Variants in PNPLA7 observed in about 807,000 individuals in gnomAD.
PNPLA7 encodes patatin like domain 7, lysophospholipase, also known as patatin-like phospholipase domain-containing protein 7.
In PNPLA7, 153 loss-of-function variants were observed where a neutral mutation model predicts 161.7. That is an observed-to-expected ratio of 0.95 (90% CI 0.83 to 1.08). PNPLA7 has a LOEUF of 1.08. Among genes scored for constraint, PNPLA7 ranks in the 50% least tolerant of loss-of-function variants. The probability of loss-of-function intolerance (pLI) is 0.00; values close to 1 mark genes in which losing one functional copy is unlikely to be tolerated. For synonymous variants in PNPLA7, 809 were observed against 782.1 expected (o/e 1.03, Z -0.57); for missense variants, 1,739 against 1,856.6 (o/e 0.94, Z 1.16).
At chr9:137,516,263 G>T (rs1243713734) in intron 11 of PNPLA7, 3 of 959,478 alleles carry the variant, frequency 3.1e-6, no homozygotes, top group East Asian at 2.4e-4. Context: ...TGGCTGTCTG[G>T]GCTCGCCTGG....
chr9:137,515,581 C>T (rs1017981517), intron 11 of PNPLA7, 62 bp from the exon 12 acceptor site: 47 of 1,460,092 alleles, frequency 3.2e-5, no homozygotes, highest in Non-Finnish European at 4.1e-5. Flanking sequence ...CTGGTGCAGC[C>T]CATTCGGGGC....
At position 137,527,207 on chromosome 9, in the gene PNPLA7, GC is replaced by G. The variant is rs1416274863; in HGVS notation, c.748-4351del. Among the ~76,000 whole-genome samples the G allele has an allele frequency of 1.6e-4, 25 of 151,842 alleles. 1 individual carries two copies. Among genetic ancestry groups the G allele is most frequent in the African/African-American group, 6.0e-4 (25 of 41,416 alleles). On this transcript the variant is annotated intron_variant, in intron 8 of 34. Coordinates refer to ENST00000406427, the MANE Select transcript of PNPLA7 (RefSeq NM_001098537.3). ...GCTTGAATCAGAGGGGGCGGAGGTT[GC>G]AGTGAGCCAAGATTGCGCCACTGCA...
Position 137,467,759 on chromosome 9 carries a change from G to A in PNPLA7, c.2883-286C>T, listed in dbSNP as rs1001976582. 5.3e-5 allele frequency among the ~76,000 whole-genome samples: 8 copies of A among 152,100 alleles called. No individual in the cohort carries two copies. The highest frequency in any genetic ancestry group is 1.3e-4 in the Admixed American group (2 of 15,270). On this transcript the variant is annotated intron_variant, in intron 25 of 34. Coordinates refer to ENST00000406427, the MANE Select transcript of PNPLA7 (RefSeq NM_001098537.3). The surrounding 1 kb of genome is among the most constrained non-coding windows in gnomAD (Gnocchi z 5.1). ...CTAAAAATACTAAAATTAGCCAGGC[G>A]TGGTGGTGCGCGCCTGTAATCCCAG...
intron 1 of PNPLA7, among the ~76,000 whole-genome samples, chr9:137,549,820 A>G (rs1836752524): frequency 6.6e-6 from 1 of 152,196 alleles, no homozygotes; most frequent in Non-Finnish European, 1.5e-5. Flanking sequence ...GTTCTAAGCA[A>G]AACCATCAGG....
intron 26 of PNPLA7, among the ~76,000 whole-genome samples, chr9:137,466,511 G>C (rs375812369): frequency 1.3e-5 from 2 of 148,230 alleles, no homozygotes; most frequent in East Asian, 2.0e-4. Flanking sequence ...TCTAAGACCC[G>C]GGCACAGATC....
intron 14 of PNPLA7, among the ~76,000 whole-genome samples, chr9:137,502,256 G>A (rs974947651): frequency 5.3e-5 from 8 of 152,126 alleles, no homozygotes; most frequent in Admixed American, 2.0e-4. Flanking sequence ...GTGAGGGAGC[G>A]TCTGCGGGCA....
intron 8 of PNPLA7, among the ~76,000 whole-genome samples, chr9:137,533,051 G>C (rs1228601058): frequency 7.0e-6 from 1 of 142,280 alleles, no homozygotes; most frequent in Non-Finnish European, 1.5e-5. Flanking sequence ...TCCTCAGTGA[G>C]TGTCCACTCC....
chr9:137,487,964 C>T (rs1832573713), intron 20 of PNPLA7, among the ~76,000 whole-genome samples: 1 of 152,256 alleles, frequency 6.6e-6, no homozygotes, highest in Non-Finnish European at 1.5e-5. Context: ...GACTCAGGCC[C>T]AGATGATGTG....
rs909128896 is a variant in PNPLA7 at position 137,460,347 on chromosome 9, A to G, written c.*46T>C. The G allele has an allele frequency of 1.3e-6, 2 of 1,563,764 alleles. No homozygotes were observed. The highest frequency in any genetic ancestry group is 1.7e-6 in the Non-Finnish European group (2 of 1,143,586). ...CTTGGCAGGAGCCTCAGCCTTGGGG[A>G]CAGTCCCACGGAAGACGCTGCATCC... On this transcript the variant is annotated 3_prime_UTR_variant, in exon 35 of 35. Transcript: ENST00000406427.
chr9:137,473,688 G>T (rs1276418850), intron 25 of PNPLA7, among the ~76,000 whole-genome samples: 4 of 152,202 alleles, frequency 2.6e-5, no homozygotes, highest in African/African-American at 4.8e-5. Flanking sequence ...TGGCCAGCAA[G>T]CTCATGAACA....
Position 137,501,733 on chromosome 9 carries a change from A to T in PNPLA7, c.1474-6T>A. On this transcript the variant is annotated splice_region_variant and splice_polypyrimidine_tract_variant and intron_variant, in intron 14 of 34. Coordinates refer to ENST00000406427, the MANE Select transcript of PNPLA7 (RefSeq NM_001098537.3). Reference sequence around the variant, plus strand: ...CCATCCAACAGAGATGAGTCCTAAAAACAGAGCAGACTTCAGGGAACACGG... The same window carrying T: ...CCATCCAACAGAGATGAGTCCTAAATACAGAGCAGACTTCAGGGAACACGG... The T allele has an allele frequency of 6.2e-7, 1 of 1,612,290 alleles. No homozygotes were observed. The highest frequency in any genetic ancestry group is 1.7e-4 in the Middle Eastern group (1 of 6,060).
At chr9:137,488,927 C>A (rs1406997519) in intron 20 of PNPLA7, among the ~76,000 whole-genome samples, 2 of 147,944 alleles carry the variant, frequency 1.4e-5, no homozygotes, top group African/African-American at 5.0e-5. Flanking sequence ...AGACATCCCC[C>A]CAACTGTGCA....
At chr9:137,522,560 C>T (rs1159466442) in intron 9 of PNPLA7, among the ~76,000 whole-genome samples, 169 bp downstream of exon 9, 1 of 152,262 alleles carries the variant, frequency 6.6e-6, no homozygotes, top group East Asian at 1.9e-4. Context: ...GTGGTAAGTC[C>T]CGCCAATGAA....
At chr9:137,532,765 C>A (rs184444299) in intron 8 of PNPLA7, among the ~76,000 whole-genome samples, 1 of 152,136 alleles carries the variant, frequency 6.6e-6, no homozygotes, top group Non-Finnish European at 1.5e-5. Context: ...CTTTCCTGAC[C>A]CCAACAGGCT....
In PNPLA7 at chr9:137,550,378, G is replaced by A. The variant is rs1452161753; in HGVS notation, c.-181C>T. On this transcript the variant is annotated 5_prime_UTR_variant, in exon 1 of 35. Transcript: ENST00000406427. ...AGTCTGTTCTCCAGGAAGAAAAGCT[G>A]TCTTTTGAGAAGTGTCTGTCATCTG... 1.1e-5 allele frequency: 8 copies of A among 700,486 alleles called. No individual in the cohort carries two copies. Among genetic ancestry groups the A allele is most frequent in the Admixed American group, 9.3e-5 (4 of 42,888 alleles). The allele number at this position is 700,486 out of a possible 1,614,324, so 43.4% of individuals were successfully genotyped here. A position where few individuals can be genotyped will look rare whatever the true frequency, so the allele number is the denominator to read the frequency against.
intron 25 of PNPLA7, among the ~76,000 whole-genome samples, chr9:137,474,818 C>T (rs1831865091): frequency 6.7e-6 from 1 of 148,770 alleles, no homozygotes; most frequent in South Asian, 2.1e-4. Flanking sequence ...CGAGCCCATC[C>T]TGGTTAACAC....
Position 137,495,104 on chromosome 9 carries a change from C to A in PNPLA7, c.2056G>T (p.Ala686Ser), listed in dbSNP as rs1405244353. The change falls in exon 19 of 35, where the codon GCC (alanine) becomes TCC (serine). Residue 686 changes from alanine to serine, a missense_variant. Physicochemically the swap from Ala to Ser is moderately conservative, Grantham distance 99. Coordinates refer to ENST00000406427, the MANE Select transcript of PNPLA7 (RefSeq NM_001098537.3). ...THQARATTVHAVRDSELAKLP... is the reference protein window; with the variant it reads ...THQARATTVHSVRDSELAKLP... Reference sequence around the variant, plus strand: ...TTGGCCAATTCTGAGTCCCGAACGGCATGCACCGTGGTCGCCCGGGCCTGG... The same window carrying A: ...TTGGCCAATTCTGAGTCCCGAACGGAATGCACCGTGGTCGCCCGGGCCTGG... 1 of 1,608,370 alleles carries A rather than the reference C, an allele frequency of 6.2e-7. No homozygotes were observed. Among genetic ancestry groups the A allele is most frequent in the Non-Finnish European group, 8.5e-7 (1 of 1,179,254 alleles).
chr9:137,548,478 A>G (rs931514631), intron 1 of PNPLA7, among the ~76,000 whole-genome samples: 3 of 152,220 alleles, frequency 2.0e-5, no homozygotes, highest in Admixed American at 6.5e-5. Context: ...GGCCGGGCGC[A>G]GTGGCTCACG....
chr9:137,495,013 C>T lies in PNPLA7; in HGVS notation c.2127+20G>A. 6.3e-7 allele frequency: 1 copy of T among 1,593,074 alleles called. No homozygotes were observed. The highest frequency in any genetic ancestry group is 8.6e-7 in the Non-Finnish European group (1 of 1,166,448). On this transcript the variant is annotated intron_variant, in intron 19 of 34. Transcript: ENST00000406427. The stretch of plus-strand genomic sequence containing the variant: ...TCCACACCCTCATCCGCTCCGCATC[C>T]TCACCCACGCCATGCTCACCTGTGG...
Sources: gnomAD v4.1 joint callset for allele counts (sites outside exome capture counted in the v4.1 genomes callset) on GRCh38, gnomAD v4.1.1 for gene constraint, Gnocchi (gnomAD v3.1) non-coding constraint, MANE v1.5 for transcripts, NCBI Gene and HGNC (gene_info 2026-07-23, HGNC 2026-07-21) for gene names.